TDRD10: variants seen among roughly 807,000 people sequenced by gnomAD.
The protein encoded by TDRD10 is tudor domain-containing protein 10.
TDRD10 carries 40 observed loss-of-function variants against 48.0 expected under a neutral mutation model. That is an observed-to-expected ratio of 0.83 (90% CI 0.65 to 1.09). The LOEUF is 1.09. Among genes scored for constraint, TDRD10 ranks in the 50% least tolerant of loss-of-function variants. The probability of loss-of-function intolerance (pLI) is 0.00; values close to 1 mark genes in which losing one functional copy is unlikely to be tolerated. For synonymous variants in TDRD10, 162 were observed against 170.4 expected (o/e 0.95, Z 0.38); for missense variants, 378 against 434.7 (o/e 0.87, Z 1.16).
In TDRD10 at chr1:154,547,729, G is replaced by C. The variant is rs1346869336; in HGVS notation, c.*19G>C. On this transcript the variant is annotated 3_prime_UTR_variant, in exon 13 of 13. Coordinates refer to ENST00000368482, the MANE Select transcript of TDRD10 (RefSeq NM_182499.4). ...TAAATAACGGGGCTTCCCTCAGCAT[G>C]TTCCCTCTCCTGTTTGCCACGGATC... The C allele has an allele frequency of 6.2e-7, 1 of 1,612,880 alleles. No homozygotes were observed. Among genetic ancestry groups the C allele is most frequent in the East Asian group, 2.2e-5 (1 of 44,894 alleles).
intron 11 of TDRD10, among the ~76,000 whole-genome samples, chr1:154,545,454 A>G (rs1695496239): frequency 6.6e-6 from 1 of 152,186 alleles, no homozygotes; most frequent in Admixed American, 6.5e-5. Context: ...CCTTCTCAAG[A>G]TCGAAGTTAG....
intron 11 of TDRD10, 133 bp from the exon 12 acceptor site, chr1:154,547,276 C>A (rs1303023244): frequency 1.2e-6 from 1 of 836,224 alleles, no homozygotes. Context: ...CAGGAACTAG[C>A]AGAGACTTGC....
intron 6 of TDRD10, among the ~76,000 whole-genome samples, chr1:154,530,688 T>G (rs961547638): frequency 1.3e-5 from 2 of 152,136 alleles, no homozygotes; most frequent in African/African-American, 4.8e-5. Flanking sequence ...TTTACTGTTG[T>G]GGGTTCACTT....
intron 6 of TDRD10, 161 bp from the exon 7 acceptor site, chr1:154,541,863 T>C: frequency 1.4e-5 from 9 of 626,290 alleles, no homozygotes; most frequent in Non-Finnish European, 2.5e-5. Context: ...GCCGTGAGGA[T>C]GGAGAGAGTG....
At chr1:154,522,923 C>CT (rs932816781) in intron 6 of TDRD10, among the ~76,000 whole-genome samples, 32 of 149,582 alleles carry the variant, frequency 2.1e-4, no homozygotes, top group South Asian at 1.5e-3. Flanking sequence ...ACCATTGTAT[C>CT]TTTTTTTTTT....
intron 6 of TDRD10, among the ~76,000 whole-genome samples, chr1:154,527,186 C>G (rs1557825137): frequency 6.6e-6 from 1 of 152,228 alleles, no homozygotes; most frequent in African/African-American, 2.4e-5. Context: ...GCTGGGATTA[C>G]AGGCATGAGC....
intron 6 of TDRD10, among the ~76,000 whole-genome samples, chr1:154,532,225 C>G (rs563646263): frequency 2.6e-5 from 4 of 152,306 alleles, no homozygotes; most frequent in Non-Finnish European, 5.9e-5. Context: ...CTGCAGGTCC[C>G]AAGCCCTGCC....
intron 6 of TDRD10, among the ~76,000 whole-genome samples, chr1:154,541,565 C>A (rs1000358905): frequency 3.9e-5 from 6 of 152,006 alleles, no homozygotes; most frequent in African/African-American, 1.4e-4. Flanking sequence ...AGAGGGAGAC[C>A]AGCATGGGTT....
chr1:154,529,691 G>A (rs531737899), intron 6 of TDRD10, among the ~76,000 whole-genome samples: 2 of 150,488 alleles, frequency 1.3e-5, no homozygotes, highest in Non-Finnish European at 3.0e-5. Flanking sequence ...GATTATAGGC[G>A]CCCACCACCA....
intron 7 of TDRD10, among the ~76,000 whole-genome samples, chr1:154,542,494 C>G (rs1450316108): frequency 6.6e-6 from 1 of 152,192 alleles, no homozygotes; most frequent in African/African-American, 2.4e-5. Context: ...TCCCAAAGTG[C>G]TGGGATTACA....
chr1:154,530,522 A>G (rs954332135), intron 6 of TDRD10, among the ~76,000 whole-genome samples: 1 of 151,142 alleles, frequency 6.6e-6, no homozygotes, highest in African/African-American at 2.4e-5. Flanking sequence ...CACCTGCCTC[A>G]GCCTCCCACA....
chr1:154,520,382 C>T lies in TDRD10; in HGVS notation c.212+8C>T. On this transcript the variant is annotated splice_region_variant and intron_variant, in intron 5 of 12. Transcript: ENST00000368482. Reference sequence around the variant, plus strand: ...CCAGAATGGCTGCAAATGGTAATGACTGTTCTTTCTTTGTTTTCTTTGGGA... The same window carrying T: ...CCAGAATGGCTGCAAATGGTAATGATTGTTCTTTCTTTGTTTTCTTTGGGA... 6.2e-7 allele frequency: 1 copy of T among 1,610,142 alleles called. No individual in the cohort carries two copies. The highest frequency in any genetic ancestry group is 1.1e-5 in the South Asian group (1 of 90,994).
In TDRD10 at chr1:154,517,714, G is replaced by T. The variant is rs375561173; in HGVS notation, c.142-2590G>T. ...TAGGATTACAGGCATGAGCCACCGC[G>T]CCCGGCTTGGACCATTTTTTTAATC... On this transcript the variant is annotated intron_variant, in intron 4 of 12. Transcript: ENST00000368482. Among the ~76,000 whole-genome samples, 21 of 152,264 alleles carry T rather than the reference G, an allele frequency of 1.4e-4. 1 individual carries two copies. The East Asian group carries it at 3.3e-3, about 24-fold the overall frequency.
In TDRD10 at chr1:154,542,068, T is replaced by A; in HGVS notation, c.412+2T>A. On this transcript the variant is annotated splice_donor_variant, in intron 7 of 12. Coordinates refer to ENST00000368482, the MANE Select transcript of TDRD10 (RefSeq NM_182499.4). LOFTEE classifies it high-confidence loss of function. The stretch of plus-strand genomic sequence containing the variant: ...GTGAAGGATTTGGCAAAACCGCCGG[T>A]GAGATTCTGCGCTGCCATCCTTTCC... 6.2e-7 allele frequency: 1 copy of A among 1,613,688 alleles called. No homozygotes were observed.
At chr1:154,543,415 C>T (rs1455690256) in intron 8 of TDRD10, among the ~76,000 whole-genome samples, 5 of 152,184 alleles carry the variant, frequency 3.3e-5, no homozygotes, top group South Asian at 2.1e-4. Flanking sequence ...CAGCGGATAC[C>T]GTTCTTAATG....
chr1:154,544,708 C>G, intron 10 of TDRD10, 87 bp from the exon 11 acceptor site: 1 of 1,542,646 alleles, frequency 6.5e-7, no homozygotes, highest in Non-Finnish European at 8.8e-7. Context: ...CCTCCTACCT[C>G]CACTTTCACA....
At chr1:154,503,826 C>T (rs779827374) in intron 1 of TDRD10, among the ~76,000 whole-genome samples, 1 of 152,176 alleles carries the variant, frequency 6.6e-6, no homozygotes, top group Non-Finnish European at 1.5e-5. Context: ...CGTGCTCATA[C>T]TGACGTTCTT....
At chr1:154,509,781 C>G (rs370722913) in intron 4 of TDRD10, 1 of 985,120 alleles carries the variant, frequency 1.0e-6, no homozygotes, top group Admixed American at 6.2e-5. Context: ...TGGTTTTCCT[C>G]CCCCATTTTG....
At chr1:154,533,014 G>A (rs1404633236) in intron 6 of TDRD10, among the ~76,000 whole-genome samples, 1 of 152,236 alleles carries the variant, frequency 6.6e-6, no homozygotes, top group Non-Finnish European at 1.5e-5. Context: ...TCTCTGTGAG[G>A]TGGGTATGGA....
Sources: gnomAD v4.1 joint callset for allele counts (sites outside exome capture counted in the v4.1 genomes callset) on GRCh38, gnomAD v4.1.1 for gene constraint, MANE v1.5 for transcripts, NCBI Gene and HGNC (gene_info 2026-07-23, HGNC 2026-07-21) for gene names.